Variants in ADGRE2 observed in about 807,000 individuals in gnomAD.
The protein encoded by ADGRE2 is CD97 antigen.
ADGRE2 carries 83 observed loss-of-function variants against 100.8 expected under a neutral mutation model. The observed-to-expected ratio is 0.82, with a 90% CI of 0.69 to 0.99. The LOEUF is 0.99. Among genes scored for constraint, ADGRE2 ranks in the 50% least tolerant of loss-of-function variants. The probability of loss-of-function intolerance (pLI) is 0.00; values close to 1 mark genes in which losing one functional copy is unlikely to be tolerated. For missense variants in ADGRE2, 814 were observed against 1,035.7 expected, an observed-to-expected ratio of 0.79 and a Z score of 2.94; for synonymous variants, 355 against 413.0, an observed-to-expected ratio of 0.86 and a Z score of 1.70.
chr19:14,771,657 T>TTTAG (rs374066484), intron 5 of ADGRE2, among the ~76,000 whole-genome samples: 2 of 151,574 alleles, frequency 1.3e-5, no homozygotes, highest in African/African-American at 4.9e-5. Context: ...TATTTATTTA[T>TTTAG]TTTAGATGGA....
rs2005422 is a variant in ADGRE2, at chr19:14,775,687, C to T, written c.31+1039G>A. On this transcript the variant is annotated intron_variant, in intron 2 of 20. Transcript: ENST00000315576. The stretch of plus-strand genomic sequence containing the variant: ...CAGCCTGCCCAATATGGTGAAACCC[C>T]GTCTCTACTAAAAATACAAAACATT... Among the ~76,000 whole-genome samples, 664 of 151,450 alleles carry T rather than the reference C, an allele frequency of 4.4e-3. 3 individuals carry two copies. The highest frequency in any genetic ancestry group is 0.024 in the Middle Eastern group (7 of 290).
In ADGRE2 at chr19:14,766,251, G is replaced by T; in HGVS notation, c.618C>A (p.Asn206Lys). ...QPIPGSPNGP[N>K]NTVCEDVDEC... ...GCTCTCGACCTTCACAGACGGTATT[G>T]TTTGGGCCATTGGGGGACCCCGGAA... Residue 206 changes from asparagine to lysine, a missense_variant, in exon 7 of 21, where the codon AAC becomes AAA. Physicochemically the swap from Asn to Lys is moderately conservative, Grantham distance 94. This residue lies in a region of ADGRE2 where 69 missense variants were observed against 75.3 expected (regional missense o/e 0.92). Coordinates refer to ENST00000315576, the MANE Select transcript of ADGRE2 (RefSeq NM_013447.4). 2 of 1,614,094 alleles carry T rather than the reference G, an allele frequency of 1.2e-6. No homozygotes were observed. The highest frequency in any genetic ancestry group is 1.6e-4 in the Middle Eastern group (1 of 6,062).
At chr19:14,738,724 T>A (rs192904603) in intron 20 of ADGRE2, among the ~76,000 whole-genome samples, 179 of 152,242 alleles carry the variant, frequency 1.2e-3, no homozygotes, top group African/African-American at 3.8e-3. Context: ...ATGAGTTATT[T>A]ATTCCTAGGT....
At chr19:14,747,853 T>C (rs1414821610) in intron 16 of ADGRE2, among the ~76,000 whole-genome samples, 1 of 152,242 alleles carries the variant, frequency 6.6e-6, no homozygotes, top group Non-Finnish European at 1.5e-5. Flanking sequence ...TTCCTTTTTA[T>C]GGCTGAATAA....
intron 6 of ADGRE2, among the ~76,000 whole-genome samples, 167 bp from the exon 7 acceptor site, chr19:14,766,548 G>C (rs888647197): frequency 1.3e-5 from 2 of 152,126 alleles, no homozygotes; most frequent in African/African-American, 4.8e-5. Context: ...TCTTATGATG[G>C]TCTTCCTACC....
intron 20 of ADGRE2, among the ~76,000 whole-genome samples, chr19:14,742,249 C>T (rs8102226): frequency 0.097 from 14,809 of 152,166 alleles, 2,457 homozygotes; most frequent in African/African-American, 0.34. Flanking sequence ...GTATTATTTT[C>T]TAGAGAAGAG....
chr19:14,731,217 T>C, downstream of ADGRE2: 1 of 1,531,614 alleles, frequency 6.5e-7, no homozygotes, highest in South Asian at 1.2e-5. Flanking sequence ...CAGTACTCTC[T>C]TGCATGTTCA....
Position 14,767,102 on chromosome 19 carries a change from G to C in ADGRE2, c.363C>G (p.Asp121Glu). Residue 121 changes from aspartate (D) to glutamate (E), a missense_variant, in exon 6 of 21, where the codon GAC (aspartate) becomes GAG (glutamate). By Grantham distance (45) the Asp-to-Glu change is conservative. This residue lies in a region of ADGRE2 where 143 missense variants were observed against 160.3 expected (regional missense o/e 0.89). Coordinates refer to ENST00000315576, the MANE Select transcript of ADGRE2 (RefSeq NM_013447.4). ...AGAGCCTTGGGTTCTGCTGACATTC[G>C]TCCACATCTGCAAGAGGAAGGAGAG... ...NESENTCQDV[D>E]ECQQNPRLCK... The C allele has an allele frequency of 1.2e-6, 2 of 1,601,332 alleles. No individual in the cohort carries two copies. The highest frequency in any genetic ancestry group is 2.3e-5 in the East Asian group (1 of 44,332).
intron 20 of ADGRE2, among the ~76,000 whole-genome samples, chr19:14,741,090 TG>T (rs1280099565): frequency 9.9e-6 from 1 of 100,920 alleles, no homozygotes; most frequent in Non-Finnish European, 1.9e-5. Context: ...CTGAATAGGC[TG>T]TTTTTTTTTT....
intron 5 of ADGRE2, among the ~76,000 whole-genome samples, chr19:14,770,231 C>G (rs548090906): frequency 1.3e-5 from 2 of 152,086 alleles, no homozygotes; most frequent in Non-Finnish European, 2.9e-5. Flanking sequence ...TGTTAGTTCC[C>G]ATGAAAACTG....
At chr19:14,754,124 C>G (rs1007980311) in intron 14 of ADGRE2, among the ~76,000 whole-genome samples, 1 of 150,564 alleles carries the variant, frequency 6.6e-6, no homozygotes, top group Admixed American at 6.7e-5. Flanking sequence ...CAGCCTACAT[C>G]TTTCTCCTGT....
chr19:14,725,447 A>G, the ADGRE2 span, among the ~76,000 whole-genome samples: 4 of 152,190 alleles, frequency 2.6e-5, no homozygotes, highest in East Asian at 7.7e-4. Context: ...CCCCAAAGTC[A>G]TAAGTTGTTC....
At chr19:14,759,788 C>T (rs904052333) in intron 11 of ADGRE2, among the ~76,000 whole-genome samples, 10 of 148,866 alleles carry the variant, frequency 6.7e-5, no homozygotes, top group African/African-American at 2.2e-4. Context: ...AGCCACCAAG[C>T]CAGCCACCTC....
At chr19:14,737,281 A>G (rs2042785647) in intron 20 of ADGRE2, among the ~76,000 whole-genome samples, 1 of 151,494 alleles carries the variant, frequency 6.6e-6, no homozygotes, top group South Asian at 2.1e-4. Context: ...TCCAACTCCC[A>G]GGTTCAAGTG....
At chr19:14,774,557 G>A (rs1321042852) in intron 2 of ADGRE2, among the ~76,000 whole-genome samples, 4 of 151,334 alleles carry the variant, frequency 2.6e-5, no homozygotes, top group Non-Finnish European at 5.9e-5. Flanking sequence ...CACCCAGGCT[G>A]GGGTGCAGTG....
At chr19:14,775,061 G>C (rs59670438) in intron 2 of ADGRE2, among the ~76,000 whole-genome samples, 4 of 150,916 alleles carry the variant, frequency 2.7e-5, no homozygotes, top group African/African-American at 9.8e-5. Context: ...GGAATGCAGT[G>C]GTGCAATCTT....
At chr19:14,751,932 T>TATATATATATA (rs1491431762) in intron 15 of ADGRE2, among the ~76,000 whole-genome samples, 1 of 51,102 alleles carries the variant, frequency 2.0e-5, no homozygotes, top group African/African-American at 1.0e-4. Context: ...TATATATATA[T>TATATATATATA]TTTTTTTTTT....
intron 3 of ADGRE2, 94 bp downstream of exon 3, chr19:14,774,162 C>A (rs1444430533): frequency 1.3e-6 from 2 of 1,521,136 alleles, no homozygotes; most frequent in African/African-American, 2.7e-5. Context: ...CACGAGCCCT[C>A]TCTTTCCCTG....
At chr19:14,745,551 G>A (rs1029474) in intron 18 of ADGRE2, among the ~76,000 whole-genome samples, 47,941 of 151,886 alleles carry the variant, frequency 0.32, 8,085 homozygotes, top group Middle Eastern at 0.39. Context: ...TCTCTTCATC[G>A]CCTTGCCCAC....
Sources: gnomAD v4.1 joint callset for allele counts (sites outside exome capture counted in the v4.1 genomes callset) on GRCh38, gnomAD v4.1.1 for gene constraint, gnomAD v4.1.1 regional missense constraint, MANE v1.5 for transcripts, NCBI Gene and HGNC (gene_info 2026-07-23, HGNC 2026-07-21) for gene names.